CAPN8: variants seen among roughly 807,000 people sequenced by gnomAD.
CAPN8 encodes the protein calpain 8.
A neutral mutation model predicts 80.9 loss-of-function variants in CAPN8; 87 were observed. That is an observed-to-expected ratio of 1.07 (90% CI 0.90 to 1.28). CAPN8 has a LOEUF of 1.28. Ranked by LOEUF, CAPN8 falls within the 50% of genes most tolerant of loss-of-function variation. The pLI is 0.00. For synonymous variants in CAPN8, 299 were observed against 273.8 expected, an observed-to-expected ratio of 1.09 and a Z score of -0.91; for missense variants, 757 against 702.0, an observed-to-expected ratio of 1.08 and a Z score of -0.89.
Position 223,665,504 on chromosome 1 carries a change from T to C in CAPN8, c.143A>G (p.Asp48Gly). 2 of 1,551,580 alleles carry C rather than the reference T, an allele frequency of 1.3e-6. No homozygotes were observed. The highest frequency in any genetic ancestry group is 1.7e-6 in the Non-Finnish European group (2 of 1,146,952). The change falls in exon 1 of 21, where the codon GAC becomes GGC. Residue 48 changes from aspartate to glycine, a missense_variant. Asp to Gly is a moderately conservative substitution (Grantham distance 94). Coordinates refer to ENST00000366872, the MANE Select transcript of CAPN8 (RefSeq NM_001143962.2). ...TGATGGACATGCTGGGAACTCAGGG[T>C]CCTTAAATAGGACCCCTGAGTCCAA... ...QCLDSGVLFKDPEFPACPSAL... is the reference protein window; with the variant it reads ...QCLDSGVLFKGPEFPACPSAL...
At chr1:223,639,825 C>G (rs189670051) in intron 2 of CAPN8, among the ~76,000 whole-genome samples, 4 of 152,232 alleles carry the variant, frequency 2.6e-5, no homozygotes, top group Admixed American at 1.3e-4. Flanking sequence ...ATTTGCCAGA[C>G]AAGTAAAGCT....
intron 1 of CAPN8, among the ~76,000 whole-genome samples, chr1:223,657,065 T>C (rs1050820073): frequency 2.1e-4 from 32 of 152,328 alleles, no homozygotes; most frequent in African/African-American, 7.5e-4. Context: ...AAAAGTACCA[T>C]AAGTTATTTA....
At chr1:223,549,132 A>G (rs913897373) in intron 16 of CAPN8, among the ~76,000 whole-genome samples, 186 bp downstream of exon 16, 3 of 152,106 alleles carry the variant, frequency 2.0e-5, no homozygotes, top group Non-Finnish European at 4.4e-5. Flanking sequence ...GCTTTCTGAG[A>G]CACATCCATG....
rs976762161 is a variant in CAPN8 at position 223,556,594 on chromosome 1, T to C, written c.1572+1537A>G. The stretch of plus-strand genomic sequence containing the variant: ...CACAGGGGTAACCAATGTGGACCCA[T>C]GACCAGAAGAGACTTCCTGTTGCTT... On this transcript the variant is annotated intron_variant, in intron 13 of 20. Transcript: ENST00000366872. 4.2e-3 allele frequency among the ~76,000 whole-genome samples: 634 copies of C among 152,268 alleles called. 2 individuals carry two copies. The highest frequency in any genetic ancestry group is 6.5e-3 in the Non-Finnish European group (441 of 68,014).
intron 1 of CAPN8, among the ~76,000 whole-genome samples, chr1:223,661,850 AAAGAG>A (rs1485294768): frequency 6.6e-6 from 1 of 152,156 alleles, no homozygotes; most frequent in Non-Finnish European, 1.5e-5. Context: ...GCAGGGTCTC[AAAGAG>A]AAGTTTGTAT....
chr1:223,628,623 C>A (rs1042743453), intron 3 of CAPN8, 39 bp downstream of exon 3: 1 of 1,496,574 alleles, frequency 6.7e-7, no homozygotes, highest in Non-Finnish European at 9.1e-7. Context: ...CCTAAGAATA[C>A]GGAAAACAGC....
intron 9 of CAPN8, chr1:223,617,275 T>TA (rs1181346195): frequency 8.5e-6 from 1 of 117,242 alleles, no homozygotes; most frequent in Admixed American, 8.5e-5. Context: ...CTTCCACTTT[T>TA]TTTTTGGGGG....
At chr1:223,546,891 T>G (rs1434257129) in intron 16 of CAPN8, among the ~76,000 whole-genome samples, 4 of 14,586 alleles carry the variant, frequency 2.7e-4, no homozygotes, top group Admixed American at 2.0e-3. Context: ...TTGTGGTTGT[T>G]GTTGTTGTTG....
chr1:223,544,045 G>A (rs374839970), intron 19 of CAPN8, 22 bp downstream of exon 19: 17 of 717,022 alleles, frequency 2.4e-5, no homozygotes, highest in Non-Finnish European at 4.4e-5. Context: ...ATAGGATGGG[G>A]CTGGAGGACA....
chr1:223,556,302 GGTGTGT>G (rs1165666796), intron 13 of CAPN8, among the ~76,000 whole-genome samples: 1 of 150,700 alleles, frequency 6.6e-6, no homozygotes, highest in Non-Finnish European at 1.5e-5. Flanking sequence ...TGTATTCTGG[GGTGTGT>G]GTGTGTGTGT....
At chr1:223,632,974 G>A (rs1351060735) in intron 2 of CAPN8, among the ~76,000 whole-genome samples, 1 of 152,164 alleles carries the variant, frequency 6.6e-6, no homozygotes, top group Non-Finnish European at 1.5e-5. Context: ...GTGCTTGGAG[G>A]TGCAGAGCCA....
intron 2 of CAPN8, among the ~76,000 whole-genome samples, chr1:223,634,485 G>T (rs762890075): frequency 6.6e-6 from 1 of 152,146 alleles, no homozygotes; most frequent in East Asian, 1.9e-4. Flanking sequence ...CTAGGATGGT[G>T]GGGGAGGAAC....
At position 223,541,862 on chromosome 1, in the gene CAPN8, G is replaced by A. The variant is rs1656472565; in HGVS notation, c.2089-3C>T. ...CAGACCAACACGCAGCACAGCCACT[G>A]CAAAGGAAAGGGACAAGATTGAGTC... On this transcript the variant is annotated splice_region_variant and splice_polypyrimidine_tract_variant and intron_variant, in intron 20 of 20. Coordinates refer to ENST00000366872, the MANE Select transcript of CAPN8 (RefSeq NM_001143962.2). 4.6e-6 allele frequency: 7 copies of A among 1,538,082 alleles called. No individual in the cohort carries two copies. The highest frequency in any genetic ancestry group is 6.1e-6 in the Non-Finnish European group (7 of 1,143,652).
intron 1 of CAPN8, among the ~76,000 whole-genome samples, chr1:223,662,634 G>A (rs1371322010): frequency 1.3e-5 from 2 of 152,142 alleles, no homozygotes; most frequent in African/African-American, 4.8e-5. Flanking sequence ...ACTGAACTGT[G>A]CATTTAGAAG....
At chr1:223,542,277 A>G (rs1656488792) in intron 20 of CAPN8, among the ~76,000 whole-genome samples, 1 of 151,952 alleles carries the variant, frequency 6.6e-6, no homozygotes. Context: ...GTGTATATAT[A>G]TATATTCCTA....
At chr1:223,627,952 G>A (rs1657642302) in intron 4 of CAPN8, 57 bp downstream of exon 4, 1 of 1,478,980 alleles carries the variant, frequency 6.8e-7, no homozygotes, top group Non-Finnish European at 9.0e-7. Context: ...GGGAGGGACA[G>A]GTGAGAGCTT....
intron 2 of CAPN8, among the ~76,000 whole-genome samples, chr1:223,629,960 C>T (rs1657724243): frequency 6.6e-6 from 1 of 152,326 alleles, no homozygotes; most frequent in Admixed American, 6.5e-5. Context: ...GCCCTTCAAC[C>T]TTTTAGAGAC....
intron 15 of CAPN8, among the ~76,000 whole-genome samples, chr1:223,550,599 G>A (rs1368948112): frequency 6.6e-6 from 1 of 152,246 alleles, no homozygotes; most frequent in South Asian, 2.1e-4. Context: ...ATCTGCAGAG[G>A]TTTCCACAGT....
chr1:223,615,325 C>A (rs1455461761), intron 10 of CAPN8, among the ~76,000 whole-genome samples: 1 of 152,200 alleles, frequency 6.6e-6, no homozygotes, highest in Non-Finnish European at 1.5e-5. Context: ...TTGCTTCTGG[C>A]TAGACTTGTC....
Sources: allele counts gnomAD v4.1 joint callset (sites outside exome capture counted in the v4.1 genomes callset), GRCh38; gene constraint gnomAD v4.1.1; transcripts MANE v1.5; gene names NCBI Gene and HGNC (gene_info 2026-07-23, HGNC 2026-07-21).